SRP72: variants seen among roughly 807,000 people sequenced by gnomAD.
SRP72 encodes the protein signal recognition particle subunit SRP72.
A neutral mutation model predicts 96.3 loss-of-function variants in SRP72; 49 were observed. That is an observed-to-expected ratio of 0.51 (90% CI 0.40 to 0.65). The LOEUF (loss-of-function observed/expected upper bound fraction) is 0.65. Ranked by LOEUF, SRP72 falls within the 30% of genes least tolerant of loss-of-function variation. The pLI is 0.00. For missense variants in SRP72, 736 were observed against 793.3 expected (o/e 0.93, Z 0.87); for synonymous variants, 267 against 275.2 (o/e 0.97, Z 0.30).
intron 9 of SRP72, 124 bp downstream of exon 9, chr4:56,483,394 A>AT (rs1322501950): frequency 4.1e-6 from 4 of 966,448 alleles, no homozygotes; most frequent in African/African-American, 1.7e-5. Flanking sequence ...TCATAAATAT[A>AT]TTTTTTTGCC....
At chr4:56,475,872 A>T (rs1432871050) in intron 5 of SRP72, 1 of 152,220 alleles carries the variant, frequency 6.6e-6, no homozygotes, top group Non-Finnish European at 1.5e-5. Context: ...GTGAATGTTC[A>T]TTGAAGGAAT....
rs755620294 is a variant in SRP72, at chr4:56,490,571, A to G, written c.1428A>G (p.Gln476=). The G allele has an allele frequency of 5.0e-6, 8 of 1,613,146 alleles. No homozygotes were observed. Among genetic ancestry groups the G allele is most frequent in the Non-Finnish European group, 6.8e-6 (8 of 1,179,704 alleles). ...ATTTTCTTATTTCTTCTTTTAGACA[A>G]AATCCAAAAGATATTCACACCCTGG... ...AISDLQQLWK[Q]NPKDIHTLAQ... The change falls in exon 15 of 19, where the codon CAA becomes CAG. Residue 476 remains glutamine, a synonymous_variant. Transcript: ENST00000642900.
At chr4:56,471,154 T>C (rs1475163678) in intron 2 of SRP72, among the ~76,000 whole-genome samples, 1 of 152,228 alleles carries the variant, frequency 6.6e-6, no homozygotes, top group Non-Finnish European at 1.5e-5. Context: ...GCCTTTGCTT[T>C]GATAAATATT....
At chr4:56,470,291 T>C (rs1474947467) in intron 2 of SRP72, among the ~76,000 whole-genome samples, 1 of 152,082 alleles carries the variant, frequency 6.6e-6, no homozygotes, top group Non-Finnish European at 1.5e-5. Context: ...CAATGAATAG[T>C]CATTTGTGGG....
intron 8 of SRP72, among the ~76,000 whole-genome samples, chr4:56,481,308 CAAGTA>C (rs1238903867): frequency 1.3e-5 from 2 of 152,082 alleles, no homozygotes; most frequent in Non-Finnish European, 1.5e-5. Context: ...CATGTATTTG[CAAGTA>C]AATACATTGT....
chr4:56,499,723 T>C (rs1214462413), intron 17 of SRP72, among the ~76,000 whole-genome samples: 1 of 152,154 alleles, frequency 6.6e-6, no homozygotes, highest in Non-Finnish European at 1.5e-5. Flanking sequence ...CAACAGATGC[T>C]GGAGAGGATG....
Position 56,500,566 on chromosome 4 carries a change from T to G in SRP72, c.1709T>G (p.Val570Gly), listed in dbSNP as rs777066866. ...TTGCCTAAGAATTATGACCCAAAAG[T>G]TACCCCAGATCCAGAAAGATGGCTG... The part of the protein sequence containing the change: ...GKLPKNYDPK[V>G]TPDPERWLPM... The change falls in exon 18 of 19, where the codon GTT becomes GGT. Residue 570 changes from valine to glycine, a missense_variant. Transcript: ENST00000642900. 6.2e-7 allele frequency: 1 copy of G among 1,613,718 alleles called. No individual in the cohort carries two copies. The highest frequency in any genetic ancestry group is 8.5e-7 in the Non-Finnish European group (1 of 1,179,792).
chr4:56,467,731 G>A lies in SRP72; in HGVS notation c.96G>A (p.Lys32=). The stretch of plus-strand genomic sequence containing the variant: ...ACGGCGACTTCACGCGCGCTCTCAA[G>A]ACCGTCAATAAGAGTAAGTGTCGGG... The part of the protein sequence containing the change: ...GQNGDFTRAL[K]TVNKILQINK... Residue 32 remains lysine (K), a synonymous_variant, in exon 1 of 19, where the codon AAG becomes AAA. Coordinates refer to ENST00000642900, the MANE Select transcript of SRP72 (RefSeq NM_006947.4). 1.4e-6 allele frequency: 2 copies of A among 1,399,640 alleles called. No individual in the cohort carries two copies. Among genetic ancestry groups the A allele is most frequent in the Non-Finnish European group, 1.9e-6 (2 of 1,035,348 alleles). 86.7% of individuals were successfully genotyped at this position (1,399,640 alleles called of 1,614,324 possible). A position where few individuals can be genotyped will look rare whatever the true frequency, so the allele number is the denominator to read the frequency against.
At chr4:56,500,200 A>G (rs912995162) in intron 17 of SRP72, among the ~76,000 whole-genome samples, 2 of 151,992 alleles carry the variant, frequency 1.3e-5, no homozygotes, top group East Asian at 1.9e-4. Flanking sequence ...AATATCACAC[A>G]CCAGGCCTGT....
chr4:56,478,851 T>C (rs756047465), intron 8 of SRP72, among the ~76,000 whole-genome samples: 7 of 152,142 alleles, frequency 4.6e-5, no homozygotes, highest in Non-Finnish European at 1.0e-4. Context: ...ATAAAACCTT[T>C]TGTAGTAGAC....
intron 1 of SRP72, 117 bp from the exon 2 acceptor site, chr4:56,469,536 A>T: frequency 1.0e-6 from 1 of 964,856 alleles, no homozygotes; most frequent in Non-Finnish European, 1.5e-6. Context: ...CTGACCAATT[A>T]TTTCTGTTGC....
chr4:56,491,953 C>T (rs571220264), intron 16 of SRP72, among the ~76,000 whole-genome samples: 3 of 152,248 alleles, frequency 2.0e-5, no homozygotes, highest in East Asian at 1.9e-4. Flanking sequence ...CTCCGCCTCC[C>T]GGGTTCAAGC....
intron 2 of SRP72, among the ~76,000 whole-genome samples, chr4:56,471,416 T>C (rs1719968598): frequency 6.6e-6 from 1 of 152,262 alleles, no homozygotes; most frequent in Non-Finnish European, 1.5e-5. Context: ...AGATTATCTT[T>C]GTATCTAAGA....
chr4:56,500,816 T>C lies in SRP72; in HGVS notation c.1838+121T>C, dbSNP rs10020554. ...AGAAATGTGATGTATCTTTGATAAA[T>C]GTTTATACTACACTTATGCAAATGA... On this transcript the variant is annotated intron_variant, in intron 18 of 18. Coordinates refer to ENST00000642900, the MANE Select transcript of SRP72 (RefSeq NM_006947.4). 1.8e-3 allele frequency: 1,763 copies of C among 984,546 alleles called. 23 individuals are homozygous for C. In the African/African-American group the frequency reaches 0.026, roughly 14 times the overall value. 61.0% of individuals were successfully genotyped at this position (984,546 alleles called of 1,614,324 possible). A position where few individuals can be genotyped will look rare whatever the true frequency, so the allele number is the denominator to read the frequency against.
At chr4:56,490,691 A>G (rs1720875756) in intron 15 of SRP72, 46 bp downstream of exon 15, 2 of 1,482,318 alleles carry the variant, frequency 1.3e-6, no homozygotes, top group African/African-American at 2.8e-5. Flanking sequence ...GTAGCACAAT[A>G]GATCTCTTCT....
chr4:56,489,026 G>A (rs17756240), intron 12 of SRP72: 15 of 160,142 alleles, frequency 9.4e-5, no homozygotes, highest in Non-Finnish European at 1.8e-4. Flanking sequence ...CATCATGAGA[G>A]TTCAGCCGCT....
chr4:56,486,564 T>C (rs1290895995), intron 11 of SRP72, among the ~76,000 whole-genome samples, 167 bp downstream of exon 11: 1 of 152,200 alleles, frequency 6.6e-6, no homozygotes, highest in Admixed American at 6.5e-5. Context: ...GATTTAGTAG[T>C]GAGGTAGTTG....
intron 18 of SRP72, 50 bp from the exon 19 acceptor site, chr4:56,501,634 T>A (rs1472051846): frequency 6.5e-7 from 1 of 1,535,102 alleles, no homozygotes; most frequent in Non-Finnish European, 8.9e-7. Flanking sequence ...ATTTTTATAC[T>A]CTTCCTTCGT....
intron 1 of SRP72, among the ~76,000 whole-genome samples, chr4:56,468,325 G>C (rs978713255): frequency 2.0e-5 from 3 of 152,204 alleles, no homozygotes; most frequent in African/African-American, 7.2e-5. Context: ...TATTAAGTTA[G>C]GAAATATGTG....
Sources: gnomAD v4.1 joint callset for allele counts (sites outside exome capture counted in the v4.1 genomes callset) on GRCh38, gnomAD v4.1.1 for gene constraint, MANE v1.5 for transcripts, NCBI Gene and HGNC (gene_info 2026-07-23, HGNC 2026-07-21) for gene names.